INPP4A: variants seen among roughly 807,000 people sequenced by gnomAD.
The protein encoded by INPP4A is inositol polyphosphate-4-phosphatase, type I, 107kD.
Under a neutral mutation model 119.8 loss-of-function variants are expected in INPP4A, and 33 were observed. That is an observed-to-expected ratio of 0.28 (90% CI 0.21 to 0.37). The LOEUF (loss-of-function observed/expected upper bound fraction) is 0.37. INPP4A is among the 10% of genes least tolerant of loss of function. The pLI, the probability that INPP4A is intolerant of heterozygous loss-of-function variation, is 1.00. For missense variants in INPP4A, 956 were observed against 1,289.9 expected (o/e 0.74, Z 3.97); for synonymous variants, 496 against 500.7 (o/e 0.99, Z 0.12).
chr2:98,487,331 C>T (rs1396412517), intron 1 of INPP4A, among the ~76,000 whole-genome samples: 1 of 152,162 alleles, frequency 6.6e-6, no homozygotes, highest in Non-Finnish European at 1.5e-5. Flanking sequence ...TTGTGAGTTT[C>T]TCAGAATTTC....
chr2:98,551,871 T>G (rs1219562216), intron 13 of INPP4A, among the ~76,000 whole-genome samples: 4 of 152,294 alleles, frequency 2.6e-5, no homozygotes, highest in African/African-American at 7.2e-5. Flanking sequence ...AAAAATAAAT[T>G]TATAATATTG....
intron 1 of INPP4A, among the ~76,000 whole-genome samples, chr2:98,467,193 T>C (rs1674963368): frequency 6.6e-6 from 1 of 151,782 alleles, no homozygotes; most frequent in African/African-American, 2.4e-5. Context: ...ACCAACGGAG[T>C]GAGAACTCAC....
chr2:98,521,897 CAG>C (rs1687267693), intron 4 of INPP4A: 1 of 151,930 alleles, frequency 6.6e-6, no homozygotes, highest in South Asian at 2.1e-4. Flanking sequence ...GATTGGGCCA[CAG>C]AGGGATACCC....
At chr2:98,470,249 G>A (rs908508156) in intron 1 of INPP4A, among the ~76,000 whole-genome samples, 1 of 152,212 alleles carries the variant, frequency 6.6e-6, no homozygotes, top group Admixed American at 6.5e-5. Flanking sequence ...ACTGGGGAGC[G>A]GCCCCTGGAT....
chr2:98,486,921 C>T (rs1005148161), intron 1 of INPP4A, among the ~76,000 whole-genome samples: 10 of 152,262 alleles, frequency 6.6e-5, no homozygotes, highest in African/African-American at 2.4e-4. Flanking sequence ...CCTACAGAGG[C>T]CAGGGATAGC....
At chr2:98,541,144 G>A (rs1333453470) in intron 10 of INPP4A, among the ~76,000 whole-genome samples, 2 of 152,086 alleles carry the variant, frequency 1.3e-5, no homozygotes, top group South Asian at 2.1e-4. Context: ...TGACTAACAC[G>A]GTGAAACCTC....
intron 14 of INPP4A, 145 bp downstream of exon 14, chr2:98,553,114 AC>A (rs1693827770): frequency 1.5e-6 from 1 of 686,530 alleles, no homozygotes; most frequent in Non-Finnish European, 2.4e-6. Flanking sequence ...TCCATTTCGC[AC>A]AAAGGCCCAG....
chr2:98,555,278 A>G (rs1694244568), intron 15 of INPP4A, among the ~76,000 whole-genome samples: 1 of 152,230 alleles, frequency 6.6e-6, no homozygotes, highest in Admixed American at 6.5e-5. Context: ...GTGGCCTTTC[A>G]GGCAGCACTG....
chr2:98,571,396 A>T (rs1427631994), intron 22 of INPP4A, among the ~76,000 whole-genome samples: 1 of 152,230 alleles, frequency 6.6e-6, no homozygotes, highest in African/African-American at 2.4e-5. Flanking sequence ...GAAGGTGAGC[A>T]GGGAGGGAGT....
At position 98,546,517 on chromosome 2, in the gene INPP4A, A is replaced by C; in HGVS notation, c.1055-69A>C. Reference sequence around the variant, plus strand: ...GGGTCAGGACCCCAGACTTGTGTGCATATCCCTATAGCTGGCTTGTCCACA... The same window carrying C: ...GGGTCAGGACCCCAGACTTGTGTGCCTATCCCTATAGCTGGCTTGTCCACA... On this transcript the variant is annotated intron_variant, in intron 12 of 24. Coordinates refer to ENST00000409851, the MANE Select transcript of INPP4A (RefSeq NM_001134225.2). This position sits in a 1 kb window ranked among gnomAD's most constrained non-coding sequence, Gnocchi z 4.2. 9.4e-7 allele frequency: 1 copy of C among 1,067,162 alleles called. No homozygotes were observed. The highest frequency in any genetic ancestry group is 1.4e-6 in the Non-Finnish European group (1 of 700,704). The allele number at this position is 1,067,162 out of a possible 1,614,324, so 66.1% of individuals were successfully genotyped here.
chr2:98,578,013 A>G (rs78696844), intron 24 of INPP4A, among the ~76,000 whole-genome samples: 1,537 of 152,282 alleles, frequency 0.01, 32 homozygotes, highest in African/African-American at 0.035. Flanking sequence ...CCTTCTCACA[A>G]TACTGCACAA....
At chr2:98,473,787 G>A (rs887156455) in intron 1 of INPP4A, among the ~76,000 whole-genome samples, 1 of 152,158 alleles carries the variant, frequency 6.6e-6, no homozygotes, top group Non-Finnish European at 1.5e-5. Flanking sequence ...CCAGGTGATT[G>A]CATGAAAACA....
At chr2:98,581,961 C>T in intron 24 of INPP4A, 2 of 793,294 alleles carry the variant, frequency 2.5e-6, no homozygotes, top group Non-Finnish European at 3.7e-6. Flanking sequence ...TTGTTTAGCT[C>T]CTGTAGCATC....
At chr2:98,561,438 T>C (rs1179652892) in intron 17 of INPP4A, among the ~76,000 whole-genome samples, 2 of 152,220 alleles carry the variant, frequency 1.3e-5, no homozygotes, top group African/African-American at 4.8e-5. Flanking sequence ...GTTGAACTTT[T>C]AAAAAATTGT....
chr2:98,508,105 C>A (rs887843782), intron 1 of INPP4A, among the ~76,000 whole-genome samples: 1 of 152,130 alleles, frequency 6.6e-6, no homozygotes, highest in Non-Finnish European at 1.5e-5. Flanking sequence ...CAGCTGCAGC[C>A]ACACCTCTCC....
chr2:98,527,311 G>A (rs1048788606), intron 4 of INPP4A, among the ~76,000 whole-genome samples: 3 of 152,166 alleles, frequency 2.0e-5, no homozygotes, highest in African/African-American at 7.2e-5. Context: ...TCCTGTACCT[G>A]CCTTTATTTG....
At chr2:98,587,378 T>C in intron 24 of INPP4A, 98 bp from the exon 25 acceptor site, 1 of 1,214,964 alleles carries the variant, frequency 8.2e-7, no homozygotes, top group Non-Finnish European at 1.1e-6. Flanking sequence ...ATCTTTTTTT[T>C]AATGTTATGA....
chr2:98,537,188 G>A (rs1270499808), intron 7 of INPP4A, among the ~76,000 whole-genome samples: 3 of 152,230 alleles, frequency 2.0e-5, no homozygotes, highest in African/African-American at 7.2e-5. Flanking sequence ...CAGTAGATGG[G>A]ACCAGACAAA....
At chr2:98,582,689 C>T (rs1325790905) in intron 24 of INPP4A, among the ~76,000 whole-genome samples, 1 of 151,676 alleles carries the variant, frequency 6.6e-6, no homozygotes, top group Non-Finnish European at 1.5e-5. Context: ...CTGCATACGC[C>T]AGACACAGAA....
Sources: allele counts gnomAD v4.1 joint callset (sites outside exome capture counted in the v4.1 genomes callset), GRCh38; gene constraint gnomAD v4.1.1; non-coding constraint Gnocchi (gnomAD v3.1); transcripts MANE v1.5; gene names NCBI Gene and HGNC (gene_info 2026-07-23, HGNC 2026-07-21).